The following MERTK variants were observed in gnomAD, a reference collection of about 807,000 sequenced individuals.
The protein encoded by MERTK is tyrosine-protein kinase Mer.
Under a neutral mutation model 99.3 loss-of-function variants are expected in MERTK, and 69 were observed. That is an observed-to-expected ratio of 0.70 (90% CI 0.57 to 0.85). MERTK has a LOEUF of 0.85. Ranked by LOEUF, MERTK falls within the 40% of genes least tolerant of loss-of-function variation. MERTK has a pLI of 0.00. For synonymous variants in MERTK, 426 were observed against 467.6 expected, an observed-to-expected ratio of 0.91 and a Z score of 1.15; for missense variants, 1,125 against 1,249.4, an observed-to-expected ratio of 0.90 and a Z score of 1.50.
intron 16 of MERTK, 109 bp from the exon 17 acceptor site, chr2:112,021,313 T>C (rs904252577): frequency 2.0e-6 from 3 of 1,506,934 alleles, no homozygotes; most frequent in Admixed American, 3.4e-5. Context: ...GTGGTGTCTC[T>C]GTGTTCTTTT....
chr2:111,983,068 T>C, intron 8 of MERTK, 75 bp downstream of exon 8: 1 of 1,584,344 alleles, frequency 6.3e-7, no homozygotes, highest in South Asian at 1.1e-5. Context: ...TTTAGAAGCT[T>C]TCATTTGGTT....
At chr2:111,947,284 C>CCCCCAAA in intron 3 of MERTK, 110 bp from the exon 4 acceptor site, 8 of 710,892 alleles carry the variant, frequency 1.1e-5, no homozygotes, top group Non-Finnish European at 1.4e-5. Flanking sequence ...ACCCGCCCCC[C>CCCCCAAA]ACAAAAAAAG....
chr2:111,957,667 C>T lies in MERTK; in HGVS notation c.758-7524C>T, dbSNP rs148209856. ...ATCTTGGTTTTATTCATGGATATAT[C>T]CCAAGTTTCTGGAAAAAATGTCTGG... On this transcript the variant is annotated intron_variant, in intron 4 of 18. Coordinates refer to ENST00000295408, the MANE Select transcript of MERTK (RefSeq NM_006343.3). Among the ~76,000 whole-genome samples the T allele has an allele frequency of 3.8e-3, 578 of 152,156 alleles. 3 individuals carry two copies. The highest frequency in any genetic ancestry group is 0.013 in the African/African-American group (551 of 41,494).
At chr2:112,006,364 A>G (rs1246528392) in intron 13 of MERTK, among the ~76,000 whole-genome samples, 1 of 152,156 alleles carries the variant, frequency 6.6e-6, no homozygotes, top group South Asian at 2.1e-4. Flanking sequence ...GAACATAACT[A>G]AAAAGGAGGT....
chr2:111,944,923 A>T, intron 2 of MERTK, 37 bp from the exon 3 acceptor site: 2 of 1,526,276 alleles, frequency 1.3e-6, no homozygotes, highest in Non-Finnish European at 1.8e-6. Flanking sequence ...CTCAAAGGGT[A>T]GTCACTGTAA....
At position 111,921,517 on chromosome 2, in the gene MERTK, A is replaced by T. The variant is rs1021482912; in HGVS notation, c.62-7603A>T. ...GACGCGATCTCAAAAAAAAAAAAAAAGCCTTTCTCTAAATCACAAACCCAC... is the reference window on the plus strand; with the variant it reads ...GACGCGATCTCAAAAAAAAAAAAAATGCCTTTCTCTAAATCACAAACCCAC... On this transcript the variant is annotated intron_variant, in intron 1 of 18. Coordinates refer to ENST00000295408, the MANE Select transcript of MERTK (RefSeq NM_006343.3). 7.7e-5 allele frequency among the ~76,000 whole-genome samples: 11 copies of T among 143,284 alleles called. No individual in the cohort carries two copies. The South Asian group carries it at 2.5e-3, about 32-fold the overall frequency. 94.0% of individuals were successfully genotyped at this position (143,284 alleles called of 152,430 possible).
rs139806291 is a variant in MERTK, at chr2:111,994,422, T to G, written c.1450+18T>G. 4 of 1,613,792 alleles carry G rather than the reference T, an allele frequency of 2.5e-6. No individual in the cohort carries two copies. The highest frequency in any genetic ancestry group is 3.4e-6 in the Non-Finnish European group (4 of 1,179,890). ...TGCACACGGTGAGAGCTATACCCAG[T>G]AAGGGCTGATAGGATGTGATGGTCC... On this transcript the variant is annotated intron_variant, in intron 9 of 18. Transcript: ENST00000295408.
At chr2:111,918,279 A>G (rs1258652179) in intron 1 of MERTK, among the ~76,000 whole-genome samples, 1 of 152,230 alleles carries the variant, frequency 6.6e-6, no homozygotes, top group Non-Finnish European at 1.5e-5. Flanking sequence ...TCTTGCTAAC[A>G]GGTCTGGTCT....
chr2:111,989,637 A>G (rs777429481), intron 8 of MERTK, among the ~76,000 whole-genome samples: 2 of 152,304 alleles, frequency 1.3e-5, no homozygotes, highest in South Asian at 2.1e-4. Context: ...TTACAGGCGT[A>G]AGCCACCACT....
rs192926729 is a variant in MERTK at position 111,963,040 on chromosome 2, G to A, written c.758-2151G>A. 1.7e-3 allele frequency among the ~76,000 whole-genome samples: 255 copies of A among 152,178 alleles called. 2 individuals carry two copies. Among genetic ancestry groups the A allele is most frequent in the African/African-American group, 5.5e-3 (229 of 41,482 alleles). ...TATTGATCATTCTTGGGTGTTTCTCGGAGAGGGGGATGTGGCAGGGTCATA... is the reference window on the plus strand; with the variant it reads ...TATTGATCATTCTTGGGTGTTTCTCAGAGAGGGGGATGTGGCAGGGTCATA... On this transcript the variant is annotated intron_variant, in intron 4 of 18. Coordinates refer to ENST00000295408, the MANE Select transcript of MERTK (RefSeq NM_006343.3).
intron 2 of MERTK, among the ~76,000 whole-genome samples, chr2:111,939,884 G>A (rs937965843): frequency 6.6e-6 from 1 of 151,798 alleles, no homozygotes; most frequent in African/African-American, 2.4e-5. Context: ...CTTCTCTAAA[G>A]GAATGTATGC....
At chr2:111,944,533 A>ATTCCTTAAAATAATTCTTCTGTTTTAAG (rs1265922025) in intron 2 of MERTK, among the ~76,000 whole-genome samples, 1 of 151,258 alleles carries the variant, frequency 6.6e-6, no homozygotes, top group Non-Finnish European at 1.5e-5. Context: ...TTAAGGAATT[A>ATTCCTTAAAATAATTCTTCTGTTTTAAG]GCTCACACAC....
chr2:112,014,885 C>T (rs958573858), intron 15 of MERTK, among the ~76,000 whole-genome samples: 7 of 152,088 alleles, frequency 4.6e-5, no homozygotes, highest in African/African-American at 1.7e-4. Context: ...ATGATCCACC[C>T]GCTTTGGCCT....
At position 112,028,410 on chromosome 2, in the gene MERTK, T is replaced by C; in HGVS notation, c.2546T>C (p.Val849Ala). ...TDPLDRPTFS[V>A]LRLQLEKLLE... Reference sequence around the variant, plus strand: ...CCCTTAGACCGCCCCACCTTTTCAGTATTGAGGCTGCAGCTAGAAAAACTC... The same window carrying C: ...CCCTTAGACCGCCCCACCTTTTCAGCATTGAGGCTGCAGCTAGAAAAACTC... Residue 849 changes from valine to alanine, a missense_variant, in exon 19 of 19, where the codon GTA (valine) becomes GCA (alanine). Coordinates refer to ENST00000295408, the MANE Select transcript of MERTK (RefSeq NM_006343.3). The C allele has an allele frequency of 1.9e-6, 3 of 1,614,044 alleles. No individual in the cohort carries two copies. Among genetic ancestry groups the C allele is most frequent in the Non-Finnish European group, 2.5e-6 (3 of 1,180,004 alleles).
chr2:111,962,895 C>G (rs961244422), intron 4 of MERTK, among the ~76,000 whole-genome samples: 9 of 151,756 alleles, frequency 5.9e-5, no homozygotes, highest in Non-Finnish European at 1.3e-4. Flanking sequence ...TTAGGTGGAA[C>G]GAGAGACTTG....
intron 15 of MERTK, among the ~76,000 whole-genome samples, chr2:112,015,015 T>TAATTG (rs1321788978): frequency 6.6e-6 from 1 of 152,240 alleles, no homozygotes; most frequent in East Asian, 1.9e-4. Flanking sequence ...TGTATATCAA[T>TAATTG]AGTTCATTCC....
chr2:111,975,370 C>T lies in MERTK; in HGVS notation c.1042C>T (p.Gln348Ter). Residue 348 changes from glutamine to a stop codon, truncating the protein, a stop_gained, in exon 7 of 19, where the codon CAG becomes TAG. Coordinates refer to ENST00000295408, the MANE Select transcript of MERTK (RefSeq NM_006343.3). LOFTEE classifies it high-confidence loss of function. ...SALPHLYQIK[Q>*]LQALANYSIG... ...CTTACCACATCTGTACCAAATCAAG[C>T]AGCTGCAAGCCCTGGCTAATTACAG... 1 of 1,614,182 alleles carries T rather than the reference C, an allele frequency of 6.2e-7. No homozygotes were observed. The highest frequency in any genetic ancestry group is 8.5e-7 in the Non-Finnish European group (1 of 1,180,004).
At chr2:111,921,982 C>T (rs911498171) in intron 1 of MERTK, among the ~76,000 whole-genome samples, 1 of 152,184 alleles carries the variant, frequency 6.6e-6, no homozygotes, top group African/African-American at 2.4e-5. Context: ...TAATGGGTCC[C>T]ACAGGCTGGC....
chr2:111,914,468 A>G (rs376259526), intron 1 of MERTK, among the ~76,000 whole-genome samples: 3 of 151,954 alleles, frequency 2.0e-5, no homozygotes, highest in African/African-American at 7.3e-5. Context: ...TAGTAGAGAC[A>G]GGGTTTCACC....
Sources: allele counts gnomAD v4.1 joint callset (sites outside exome capture counted in the v4.1 genomes callset), GRCh38; gene constraint gnomAD v4.1.1; transcripts MANE v1.5; gene names NCBI Gene and HGNC (gene_info 2026-07-23, HGNC 2026-07-21).